The following STK3 variants were observed in gnomAD, a reference collection of about 807,000 sequenced individuals.
The protein encoded by STK3 is serine/threonine kinase 3.
A neutral mutation model predicts 58.0 loss-of-function variants in STK3; 41 were observed. That is an observed-to-expected ratio of 0.71 (90% CI 0.55 to 0.92). The LOEUF (loss-of-function observed/expected upper bound fraction) is 0.92. STK3 is among the 40% of genes least tolerant of loss of function. The pLI is 0.00. For missense variants in STK3, 479 were observed against 602.7 expected (o/e 0.79, Z 2.15); for synonymous variants, 170 against 191.0 (o/e 0.89, Z 0.91).
intron 1 of STK3, among the ~76,000 whole-genome samples, chr8:98,809,595 T>C (rs1172536115): frequency 3.3e-5 from 5 of 152,248 alleles, no homozygotes; most frequent in Admixed American, 3.3e-4. Context: ...AAATTTGTCC[T>C]TTTGTGTGTA....
intron 3 of STK3, among the ~76,000 whole-genome samples, chr8:98,878,555 C>T (rs1260183381): frequency 6.6e-6 from 1 of 152,124 alleles, no homozygotes; most frequent in African/African-American, 2.4e-5. Flanking sequence ...CACCCCGTCA[C>T]TCTCTTTAAA....
At chr8:98,503,739 T>C (rs1241975042) in intron 10 of STK3, among the ~76,000 whole-genome samples, 1 of 152,248 alleles carries the variant, frequency 6.6e-6, no homozygotes, top group African/African-American at 2.4e-5. Context: ...TCCTGAGTTC[T>C]AGTCTGATTG....
chr8:98,758,431 C>T (rs10447977), intron 3 of STK3, among the ~76,000 whole-genome samples: 38,255 of 152,148 alleles, frequency 0.25, 5,562 homozygotes, highest in East Asian at 0.44. Flanking sequence ...TGCAGCAGTA[C>T]ATCAAAAAAC....
intron 4 of STK3, among the ~76,000 whole-genome samples, chr8:98,723,726 C>T (rs912795796): frequency 2.0e-5 from 3 of 151,988 alleles, no homozygotes; most frequent in Non-Finnish European, 4.4e-5. Context: ...ACATACGCCC[C>T]CCTTTTCAAA....
intron 3 of STK3, among the ~76,000 whole-genome samples, chr8:98,411,559 G>A (rs1818057698): frequency 6.6e-6 from 1 of 152,240 alleles, no homozygotes; most frequent in Non-Finnish European, 1.5e-5. Flanking sequence ...TAACATCTGA[G>A]CACAACATCC....
intron 4 of STK3, among the ~76,000 whole-genome samples, chr8:98,727,750 TA>T (rs934572761): frequency 2.6e-5 from 4 of 152,230 alleles, no homozygotes; most frequent in Non-Finnish European, 4.4e-5. Context: ...GTCATTTTTT[TA>T]AAGTCTCCTG....
intron 10 of STK3, among the ~76,000 whole-genome samples, chr8:98,508,093 G>T (rs575040421): frequency 2.0e-5 from 3 of 151,928 alleles, no homozygotes; most frequent in African/African-American, 7.3e-5. Context: ...TGGTTTATTT[G>T]TTGCTATATC....
intron 6 of STK3, among the ~76,000 whole-genome samples, chr8:98,698,350 T>C (rs1182734292): frequency 2.0e-5 from 3 of 152,002 alleles, no homozygotes; most frequent in Non-Finnish European, 4.4e-5. Context: ...ATTGGAGCAT[T>C]TAGTCCATTT....
At chr8:98,701,621 C>CAA (rs919525897) in intron 6 of STK3, among the ~76,000 whole-genome samples, 2 of 131,770 alleles carry the variant, frequency 1.5e-5, no homozygotes, top group Non-Finnish European at 3.2e-5. Flanking sequence ...GACTTTGTCT[C>CAA]AAAAAAAAAT....
chr8:98,609,776 C>G (rs1478062116), intron 6 of STK3, among the ~76,000 whole-genome samples: 1 of 151,844 alleles, frequency 6.6e-6, no homozygotes, highest in African/African-American at 2.4e-5. Flanking sequence ...CTGGCTAACA[C>G]AGTGAAACCC....
At chr8:98,744,676 T>C (rs938865552) in intron 4 of STK3, among the ~76,000 whole-genome samples, 1 of 151,712 alleles carries the variant, frequency 6.6e-6, no homozygotes, top group Non-Finnish European at 1.5e-5. Context: ...GGCACATGTA[T>C]ACATATGTAA....
intron 3 of STK3, among the ~76,000 whole-genome samples, chr8:98,408,108 C>G (rs1818017543): frequency 6.6e-6 from 1 of 152,208 alleles, no homozygotes; most frequent in Non-Finnish European, 1.5e-5. Context: ...CCTGCTTGCA[C>G]AGCTTAGATC....
downstream of STK3, among the ~76,000 whole-genome samples, chr8:98,452,341 G>A (rs1017456861): frequency 6.6e-6 from 1 of 152,114 alleles, no homozygotes; most frequent in Non-Finnish European, 1.5e-5. Context: ...CGAATAACAG[G>A]TGTTATTATT....
chr8:98,378,617 C>A (rs1229917101), intron 2 of STK3, among the ~76,000 whole-genome samples: 3 of 152,184 alleles, frequency 2.0e-5, no homozygotes, highest in Non-Finnish European at 4.4e-5. Flanking sequence ...AGTGTGAATA[C>A]GTGTGAATAA....
intron 1 of STK3, among the ~76,000 whole-genome samples, chr8:98,803,551 G>A (rs1465089251): frequency 1.5e-5 from 2 of 136,154 alleles, no homozygotes; most frequent in African/African-American, 5.7e-5. Context: ...CCAAGATCGC[G>A]CCACTGCACT....
chr8:98,698,117 A>G (rs971677070), intron 6 of STK3, among the ~76,000 whole-genome samples: 3 of 151,998 alleles, frequency 2.0e-5, no homozygotes, highest in Non-Finnish European at 4.4e-5. Context: ...CCATTATGTA[A>G]TGGCCTTCTT....
At chr8:98,360,230 C>G in the STK3 span, among the ~76,000 whole-genome samples, 1 of 152,184 alleles carries the variant, frequency 6.6e-6, no homozygotes. Context: ...AAAGCCTATT[C>G]TGACTCCCCA....
At chr8:98,716,021 C>G (rs935256383) in intron 4 of STK3, among the ~76,000 whole-genome samples, 1 of 151,878 alleles carries the variant, frequency 6.6e-6, no homozygotes, top group Non-Finnish European at 1.5e-5. Flanking sequence ...TCTCAGCAAA[C>G]TATTGCAAGG....
chr8:98,483,362 A>G (rs961863292), intron 10 of STK3, among the ~76,000 whole-genome samples: 2 of 152,354 alleles, frequency 1.3e-5, no homozygotes, highest in Middle Eastern at 3.4e-3. Flanking sequence ...TCATGCTCTC[A>G]TAAGTTAAAA....
Sources: allele counts gnomAD v4.1 joint callset (sites outside exome capture counted in the v4.1 genomes callset), GRCh38; gene constraint gnomAD v4.1.1; transcripts MANE v1.5; gene names NCBI Gene and HGNC (gene_info 2026-07-23, HGNC 2026-07-21).